FAM120A: variants seen among roughly 807,000 people sequenced by gnomAD.
FAM120A encodes family with sequence similarity 120 member A.
FAM120A carries 15 observed loss-of-function variants against 109.7 expected under a neutral mutation model. The ratio of observed to expected loss-of-function variants is 0.14; its 90% CI spans 0.09 to 0.21. The LOEUF is 0.21. Among genes scored for constraint, FAM120A ranks in the 10% least tolerant of loss-of-function variants. FAM120A has a pLI of 1.00. For synonymous variants in FAM120A, 493 were observed against 572.8 expected (o/e 0.86, Z 1.99); for missense variants, 899 against 1,439.3 (o/e 0.62, Z 6.07).
At position 93,474,424 on chromosome 9, in the gene FAM120A, C is replaced by T. The variant is rs572719178; in HGVS notation, c.722-1832C>T. On this transcript the variant is annotated intron_variant, in intron 2 of 17. Coordinates refer to ENST00000277165, the MANE Select transcript of FAM120A (RefSeq NM_014612.5). Reference sequence around the variant, plus strand: ...ATGAGAAAGCTTATTTTTCTTTTCCCTTCTGTAATGGAAAGTATAGCTATA... The same window carrying T: ...ATGAGAAAGCTTATTTTTCTTTTCCTTTCTGTAATGGAAAGTATAGCTATA... 2.0e-5 allele frequency among the ~76,000 whole-genome samples: 3 copies of T among 152,180 alleles called. No homozygotes were observed. In the South Asian group the frequency reaches 6.2e-4, roughly 32 times the overall value.
intron 10 of FAM120A, among the ~76,000 whole-genome samples, chr9:93,540,254 T>C (rs943393503): frequency 1.3e-5 from 2 of 152,208 alleles, no homozygotes; most frequent in Non-Finnish European, 2.9e-5. Context: ...TGGCCTAAGG[T>C]TCCACCTCTA....
intron 3 of FAM120A, among the ~76,000 whole-genome samples, chr9:93,492,619 A>G (rs1446123027): frequency 6.6e-6 from 1 of 151,008 alleles, no homozygotes; most frequent in African/African-American, 2.4e-5. Context: ...GGAGCCATCC[A>G]GGAGGGAAGC....
intron 5 of FAM120A, among the ~76,000 whole-genome samples, chr9:93,506,320 ATCTTTCCGTAAAC>A (rs1428809647): frequency 6.6e-6 from 1 of 152,208 alleles, no homozygotes. Context: ...TGTCCTGAAT[ATCTTTCCGTAAAC>A]TTGAATTTTC....
At position 93,451,765 on chromosome 9, in the gene FAM120A, G is replaced by A; in HGVS notation, c.-151G>A. On this transcript the variant is annotated 5_prime_UTR_variant, in exon 1 of 18. Coordinates refer to ENST00000277165, the MANE Select transcript of FAM120A (RefSeq NM_014612.5). ...CCCTGGGAGGCGGCAGCACATGGCG[G>A]CCGCGGCGGCCATGAGCGCGCCCCC... 2.0e-6 allele frequency: 2 copies of A among 981,998 alleles called. No homozygotes were observed. Among genetic ancestry groups the A allele is most frequent in the African/African-American group, 1.8e-5 (1 of 56,408 alleles). 60.8% of individuals were successfully genotyped at this position (981,998 alleles called of 1,614,324 possible).
rs368387995 is a variant in FAM120A, at chr9:93,510,276, G to A, written c.1031-5391G>A. On this transcript the variant is annotated intron_variant, in intron 5 of 17. Coordinates refer to ENST00000277165, the MANE Select transcript of FAM120A (RefSeq NM_014612.5). ...GAAGTGACACAGGCTGCCTGATCAT[G>A]TGGCCATTTTGGAAGGTCATTTTTA... 3.9e-4 allele frequency among the ~76,000 whole-genome samples: 60 copies of A among 152,332 alleles called. 1 individual carries two copies. The East Asian group carries it at 6.0e-3, about 15-fold the overall frequency.
At chr9:93,514,591 A>G (rs1421375251) in intron 5 of FAM120A, among the ~76,000 whole-genome samples, 2 of 152,098 alleles carry the variant, frequency 1.3e-5, no homozygotes, top group African/African-American at 4.8e-5. Context: ...GGCTCCTTTC[A>G]TCCCCAGGCC....
rs774150537 is a variant in FAM120A, at chr9:93,545,780, C to CTTTTTTTTTT, written c.2159+2326_2159+2335dup. ...GAAGACTGGCTGATGGGAAAGACTC[C>CTTTTTTTTTT]TTTTTTTTTTTTTTTTTTTTTTTTT... On this transcript the variant is annotated intron_variant, in intron 11 of 17. Transcript: ENST00000277165. Among the ~76,000 whole-genome samples the CTTTTTTTTTT allele has an allele frequency of 2.2e-3, 141 of 65,500 alleles. 12 individuals carry two copies. Among genetic ancestry groups the CTTTTTTTTTT allele is most frequent in the Middle Eastern group, 9.1e-3 (1 of 110 alleles). 43.0% of individuals were successfully genotyped at this position (65,500 alleles called of 152,430 possible).
At chr9:93,561,015 C>G in intron 15 of FAM120A, 94 bp from the exon 16 acceptor site, 1 of 1,420,380 alleles carries the variant, frequency 7.0e-7, no homozygotes, top group Non-Finnish European at 9.7e-7. Flanking sequence ...TAAATATAAA[C>G]CAAAACTGAA....
intron 7 of FAM120A, among the ~76,000 whole-genome samples, chr9:93,519,148 G>A (rs1214155124): frequency 1.3e-5 from 2 of 152,094 alleles, no homozygotes; most frequent in African/African-American, 2.4e-5. Context: ...GTGGGTCTCC[G>A]GACAGTCAGA....
intron 2 of FAM120A, 120 bp downstream of exon 2, chr9:93,471,507 A>G: frequency 8.1e-7 from 1 of 1,240,360 alleles, no homozygotes; most frequent in South Asian, 1.4e-5. Context: ...AAAAGAACCA[A>G]GGCGTGGGCT....
chr9:93,554,120 T>TACACACAGACACAC (rs1554786170), intron 12 of FAM120A, among the ~76,000 whole-genome samples: 2 of 87,464 alleles, frequency 2.3e-5, no homozygotes, highest in African/African-American at 7.9e-5. Flanking sequence ...GGCCATTTGA[T>TACACACAGACACAC]ACACACACAC....
At chr9:93,538,608 T>C (rs1002856785) in intron 10 of FAM120A, among the ~76,000 whole-genome samples, 1 of 152,222 alleles carries the variant, frequency 6.6e-6, no homozygotes, top group Non-Finnish European at 1.5e-5. Flanking sequence ...CGTGCATGCA[T>C]ACTGCAGTTC....
rs1484164384 is a variant in FAM120A, at chr9:93,565,790, T to C, written c.*1250T>C. 2.0e-5 allele frequency: 3 copies of C among 152,616 alleles called. No individual in the cohort carries two copies. Among genetic ancestry groups the C allele is most frequent in the Admixed American group, 2.0e-4 (3 of 15,288 alleles). 9.5% of individuals were successfully genotyped at this position (152,616 alleles called of 1,614,324 possible). A position where few individuals can be genotyped will look rare whatever the true frequency, so the allele number is the denominator to read the frequency against. On this transcript the variant is annotated 3_prime_UTR_variant, in exon 18 of 18. Transcript: ENST00000277165. The stretch of plus-strand genomic sequence containing the variant: ...AAGAATTTAGTAGAAGCAGGTATAC[T>C]TCTATCATTTTGATGTTTTTGTTAA...
intron 3 of FAM120A, among the ~76,000 whole-genome samples, chr9:93,496,494 T>C (rs1859579317): frequency 6.6e-6 from 1 of 152,236 alleles, no homozygotes; most frequent in African/African-American, 2.4e-5. Context: ...TTTCCTTGTA[T>C]GTTAACATGC....
At chr9:93,517,586 C>T (rs889500583) in intron 7 of FAM120A, among the ~76,000 whole-genome samples, 1 of 152,210 alleles carries the variant, frequency 6.6e-6, no homozygotes, top group Non-Finnish European at 1.5e-5. Context: ...CTGTACAATA[C>T]AGTTTTTGTC....
chr9:93,478,133 T>C (rs1858627813), intron 3 of FAM120A, among the ~76,000 whole-genome samples: 1 of 152,148 alleles, frequency 6.6e-6, no homozygotes, highest in Non-Finnish European at 1.5e-5. Context: ...TTTATCATAT[T>C]ACTCCTATGA....
chr9:93,495,055 A>C (rs1588839766), intron 3 of FAM120A, among the ~76,000 whole-genome samples: 1 of 152,174 alleles, frequency 6.6e-6, no homozygotes, highest in African/African-American at 2.4e-5. Context: ...GATTCTGTAC[A>C]TCAGTAGTAC....
chr9:93,527,735 G>A (rs1303187510), intron 8 of FAM120A, among the ~76,000 whole-genome samples: 1 of 141,102 alleles, frequency 7.1e-6, no homozygotes, highest in Non-Finnish European at 1.5e-5. Context: ...CAATTCTCCT[G>A]GCTCAGCCTC....
Position 93,518,807 on chromosome 9 carries a change from C to T in FAM120A, c.1418+2538C>T, listed in dbSNP as rs200020032. ...GCCGTGCACAGCTGGATGTGTTCTA[C>T]GTGCCACGGGAAACATCTAGAGCAA... On this transcript the variant is annotated intron_variant, in intron 7 of 17. Coordinates refer to ENST00000277165, the MANE Select transcript of FAM120A (RefSeq NM_014612.5). 1.6e-4 allele frequency among the ~76,000 whole-genome samples: 25 copies of T among 152,346 alleles called. No individual in the cohort carries two copies. In the South Asian group the frequency reaches 2.5e-3, roughly 15 times the overall value.
Sources: allele counts gnomAD v4.1 joint callset (sites outside exome capture counted in the v4.1 genomes callset), GRCh38; gene constraint gnomAD v4.1.1; transcripts MANE v1.5; gene names NCBI Gene and HGNC (gene_info 2026-07-23, HGNC 2026-07-21).